Variants in ZC3H13 observed in about 807,000 individuals in gnomAD.
The protein encoded by ZC3H13 is zinc finger CCCH domain-containing protein 13.
ZC3H13 carries 64 observed loss-of-function variants against 204.1 expected under a neutral mutation model. The ratio of observed to expected loss-of-function variants is 0.31; its 90% CI spans 0.26 to 0.39. The LOEUF (loss-of-function observed/expected upper bound fraction) is 0.39, where lower values mean the gene tolerates loss of function less well. Among genes scored for constraint, ZC3H13 ranks in the 10% least tolerant of loss-of-function variants. ZC3H13 has a pLI of 1.00. For synonymous variants in ZC3H13, 667 were observed against 693.7 expected, an observed-to-expected ratio of 0.96 and a Z score of 0.60; for missense variants, 1,833 against 2,082.7, an observed-to-expected ratio of 0.88 and a Z score of 2.33.
intron 7 of ZC3H13, among the ~76,000 whole-genome samples, chr13:46,008,547 G>C (rs965903218): frequency 2.0e-5 from 3 of 152,110 alleles, no homozygotes; most frequent in South Asian, 4.1e-4. Context: ...AAAAGAGATT[G>C]TATGTAAAAG....
At chr13:46,038,710 T>C (rs2043368733) in intron 4 of ZC3H13, among the ~76,000 whole-genome samples, 1 of 152,178 alleles carries the variant, frequency 6.6e-6, no homozygotes, top group South Asian at 2.1e-4. Context: ...CAGTATCTGT[T>C]ACCTGTCAAA....
chr13:46,037,406 C>T (rs923969838), intron 4 of ZC3H13, among the ~76,000 whole-genome samples: 4 of 152,144 alleles, frequency 2.6e-5, no homozygotes, highest in African/African-American at 9.7e-5. Context: ...AAAGCTTCTA[C>T]TAAGAGATAA....
intron 1 of ZC3H13, among the ~76,000 whole-genome samples, chr13:46,046,647 G>A (rs1566369713): frequency 7.0e-6 from 1 of 142,826 alleles, no homozygotes; most frequent in Non-Finnish European, 1.5e-5. Flanking sequence ...CAGCCTGGGC[G>A]ACAAAGCGAG....
At chr13:46,037,807 T>C (rs2043304030) in intron 4 of ZC3H13, among the ~76,000 whole-genome samples, 1 of 152,226 alleles carries the variant, frequency 6.6e-6, no homozygotes, top group African/African-American at 2.4e-5. Context: ...ATAACATTAT[T>C]TAACCCAGCA....
intron 13 of ZC3H13, 31 bp downstream of exon 13, chr13:45,970,331 T>C: frequency 6.2e-7 from 1 of 1,600,876 alleles, no homozygotes; most frequent in Admixed American, 1.7e-5. Flanking sequence ...TGAATATGAA[T>C]ATAGAGAGAC....
At chr13:46,040,784 A>G (rs888984797) in intron 4 of ZC3H13, among the ~76,000 whole-genome samples, 1 of 152,190 alleles carries the variant, frequency 6.6e-6, no homozygotes, top group African/African-American at 2.4e-5. Context: ...TTAAAATGGG[A>G]AAAGAATCTC....
chr13:46,040,566 C>T (rs190255395), intron 4 of ZC3H13, among the ~76,000 whole-genome samples: 38 of 152,024 alleles, frequency 2.5e-4, no homozygotes, highest in African/African-American at 8.7e-4. Flanking sequence ...AAAGCACAAA[C>T]AAGCAACAAT....
intron 10 of ZC3H13, among the ~76,000 whole-genome samples, chr13:45,983,808 C>A (rs894856557): frequency 6.6e-6 from 1 of 151,986 alleles, no homozygotes; most frequent in South Asian, 2.1e-4. Context: ...AAAAGAAGAG[C>A]CAAATCAGTG....
Position 45,967,775 on chromosome 13 carries a change from GTCTCGTTCTCTC to G in ZC3H13, c.4038_4049del (p.Glu1346_Arg1349del), listed in dbSNP as rs746908999. On this transcript the variant is annotated inframe_deletion, in exon 15 of 19. Coordinates refer to ENST00000679008, the MANE Select transcript of ZC3H13 (RefSeq NM_001330564.2). Reference sequence around the variant, plus strand: ...TTTCCCTATCCAAGTCTCTCCTTTTGTCTCGTTCTCTCTCTCGTTCTCGTTCTCGCAATCTAT... The same window carrying G: ...TTTCCCTATCCAAGTCTCTCCTTTTGTCTCGTTCTCGTTCTCGCAATCTAT... 6.1e-5 allele frequency: 99 copies of G among 1,611,326 alleles called. No individual in the cohort carries two copies. Among genetic ancestry groups the G allele is most frequent in the Non-Finnish European group, 7.9e-5 (93 of 1,178,670 alleles).
intron 4 of ZC3H13, among the ~76,000 whole-genome samples, chr13:46,033,290 T>C (rs1044557011): frequency 6.6e-6 from 1 of 152,102 alleles, no homozygotes; most frequent in Non-Finnish European, 1.5e-5. Flanking sequence ...TAACTTAAAA[T>C]GTACGAATTT....
chr13:46,043,476 A>C (rs1206354303), intron 3 of ZC3H13, among the ~76,000 whole-genome samples: 1 of 151,954 alleles, frequency 6.6e-6, no homozygotes, highest in Non-Finnish European at 1.5e-5. Context: ...TTTCCTTTAT[A>C]TAATAAAACA....
chr13:46,036,718 T>C (rs1448977280), intron 4 of ZC3H13, among the ~76,000 whole-genome samples: 2 of 152,064 alleles, frequency 1.3e-5, no homozygotes, highest in East Asian at 3.8e-4. Flanking sequence ...ATTATTCCAA[T>C]TGTCATTTTT....
At position 46,044,979 on chromosome 13, in the gene ZC3H13, T is replaced by C; in HGVS notation, c.203A>G (p.Lys68Arg). 1.9e-6 allele frequency: 3 copies of C among 1,612,904 alleles called. No homozygotes were observed. The highest frequency in any genetic ancestry group is 2.5e-6 in the Non-Finnish European group (3 of 1,179,374). The change falls in exon 3 of 19, where the codon AAA becomes AGA. Residue 68 changes from lysine (K) to arginine (R), a missense_variant. By Grantham distance (26) the Lys-to-Arg change is conservative. Transcript: ENST00000679008. ...RFVHGPSPRGKGYSSNYRRSP... is the reference protein window; with the variant it reads ...RFVHGPSPRGRGYSSNYRRSP... The stretch of plus-strand genomic sequence containing the variant: ...CCTTCTATAATTGCTGCTATAACCT[T>C]TACCACGAGGTGAAGGGCCATGTAC...
At chr13:45,962,247 CA>C (rs34818778) in intron 17 of ZC3H13, 1 of 985,120 alleles carries the variant, frequency 1.0e-6, no homozygotes, top group Admixed American at 6.2e-5. Context: ...ACCATAGCAG[CA>C]AAAATAGAAG....
At chr13:45,983,496 G>A (rs1047384147) in intron 10 of ZC3H13, among the ~76,000 whole-genome samples, 13 of 121,062 alleles carry the variant, frequency 1.1e-4, no homozygotes, top group Admixed American at 9.2e-4. Flanking sequence ...GCGCTATCCC[G>A]GCTCACTGCA....
intron 13 of ZC3H13, 146 bp from the exon 14 acceptor site, chr13:45,970,117 G>C: frequency 9.3e-7 from 1 of 1,076,248 alleles, no homozygotes; most frequent in Non-Finnish European, 1.3e-6. Context: ...AAGAGATCAA[G>C]ATCATTTAAA....
intron 1 of ZC3H13, among the ~76,000 whole-genome samples, chr13:46,048,194 C>A (rs1383206687): frequency 1.3e-5 from 2 of 152,196 alleles, no homozygotes; most frequent in Non-Finnish European, 2.9e-5. Context: ...GGTCTGTCCT[C>A]TGTTGCCTGA....
intron 17 of ZC3H13, chr13:45,962,709 ATTTT>A (rs768455363): frequency 1.0e-6 from 1 of 981,752 alleles, no homozygotes; most frequent in African/African-American, 1.7e-5. Flanking sequence ...ATAAAACAAT[ATTTT>A]TTTATTTTGT....
chr13:45,977,915 C>T (rs1163781023), intron 11 of ZC3H13, among the ~76,000 whole-genome samples: 1 of 152,002 alleles, frequency 6.6e-6, no homozygotes, highest in Non-Finnish European at 1.5e-5. Context: ...ACTACCTGGC[C>T]TATAGTCTTT....
Sources: allele counts gnomAD v4.1 joint callset (sites outside exome capture counted in the v4.1 genomes callset), GRCh38; gene constraint gnomAD v4.1.1; transcripts MANE v1.5; gene names NCBI Gene and HGNC (gene_info 2026-07-23, HGNC 2026-07-21).